PLPPR1: variants seen among roughly 807,000 people sequenced by gnomAD.
PLPPR1 encodes the protein phospholipid phosphatase related 1, also known as phospholipid phosphatase-related protein type 1.
PLPPR1 carries 10 observed loss-of-function variants against 33.1 expected under a neutral mutation model. The ratio of observed to expected loss-of-function variants is 0.30; its 90% CI spans 0.19 to 0.51. The LOEUF is 0.51. Ranked by LOEUF, PLPPR1 falls within the 20% of genes least tolerant of loss-of-function variation. The pLI, the probability that PLPPR1 is intolerant of heterozygous loss-of-function variation, is 0.97. For missense variants in PLPPR1, 304 were observed against 408.1 expected (o/e 0.74, Z 2.20); for synonymous variants, 151 against 151.0 (o/e 1.00, Z 0.00).
intron 2 of PLPPR1, among the ~76,000 whole-genome samples, chr9:101,225,752 C>T (rs1331000047): frequency 1.4e-5 from 2 of 146,842 alleles, no homozygotes; most frequent in Non-Finnish European, 3.0e-5. Flanking sequence ...CACCCCCACC[C>T]CCTATGTAAC....
At position 101,089,912 on chromosome 9, in the gene PLPPR1, A is replaced by G. The variant is rs181715600; in HGVS notation, c.-46+60810A>G. Among the ~76,000 whole-genome samples, 85 of 152,286 alleles carry G rather than the reference A, an allele frequency of 5.6e-4. No homozygotes were observed. The East Asian group carries it at 0.016, about 29-fold the overall frequency. ...TCCAGGGCTGCAGTAACAAAATACC[A>G]CAAACTTGGTGGATTAGTACAGCAA... On this transcript the variant is annotated intron_variant, in intron 1 of 7. Transcript: ENST00000374874.
At chr9:101,186,343 A>G (rs377509075) in intron 2 of PLPPR1, among the ~76,000 whole-genome samples, 2 of 151,760 alleles carry the variant, frequency 1.3e-5, no homozygotes, top group African/African-American at 2.4e-5. Context: ...TTTTTAGCCT[A>G]AAGATCAGAC....
intron 1 of PLPPR1, among the ~76,000 whole-genome samples, chr9:101,087,215 T>C (rs543809137): frequency 1.3e-5 from 2 of 151,600 alleles, no homozygotes; most frequent in East Asian, 3.9e-4. Context: ...ATAAAAAAAA[T>C]TGAGATTAGA....
chr9:101,235,491 A>G (rs1248560805), intron 2 of PLPPR1, among the ~76,000 whole-genome samples: 2 of 151,842 alleles, frequency 1.3e-5, no homozygotes, highest in Non-Finnish European at 2.9e-5. Context: ...AACCTCTAGC[A>G]TCTTTCATTT....
Position 101,307,921 on chromosome 9 carries a change from C to T in PLPPR1, c.386-1290C>T, listed in dbSNP as rs536551094. On this transcript the variant is annotated intron_variant, in intron 4 of 7. Transcript: ENST00000374874. ...ACTTATAGCTCTACACAGCCTTTCT[C>T]AGTGCATAGATGTAATATACAGGCC... Among the ~76,000 whole-genome samples, 306 of 152,324 alleles carry T rather than the reference C, an allele frequency of 2.0e-3. 1 individual carries two copies. The highest frequency in any genetic ancestry group is 3.9e-3 in the Admixed American group (59 of 15,302).
chr9:101,156,567 A>G (rs1831692926), intron 1 of PLPPR1, among the ~76,000 whole-genome samples: 4 of 112,200 alleles, frequency 3.6e-5, no homozygotes, highest in South Asian at 2.7e-4. Context: ...AAAAAAAAAA[A>G]AAAAAAGAAA....
chr9:101,109,419 G>A (rs143630198), intron 1 of PLPPR1, among the ~76,000 whole-genome samples: 5 of 152,180 alleles, frequency 3.3e-5, no homozygotes, highest in African/African-American at 1.2e-4. Flanking sequence ...ATTTAAATAA[G>A]CATTTTATCA....
intron 1 of PLPPR1, among the ~76,000 whole-genome samples, chr9:101,107,195 A>C (rs1184253179): frequency 9.6e-6 from 1 of 104,448 alleles, no homozygotes; most frequent in Admixed American, 9.3e-5. Context: ...CTGGTGAGGA[A>C]CTGCGTTCCT....
intron 4 of PLPPR1, among the ~76,000 whole-genome samples, chr9:101,294,637 G>T (rs1234243112): frequency 6.6e-6 from 1 of 152,142 alleles, no homozygotes; most frequent in Non-Finnish European, 1.5e-5. Context: ...GGGATGCAAG[G>T]CTGGTTCAGT....
intron 1 of PLPPR1, among the ~76,000 whole-genome samples, chr9:101,090,770 G>A (rs1288076447): frequency 6.7e-6 from 1 of 149,856 alleles, no homozygotes; most frequent in African/African-American, 2.4e-5. Context: ...TGCATTATTG[G>A]GACCCACCTT....
intron 7 of PLPPR1, chr9:101,322,651 T>C (rs1231339810): frequency 6.6e-6 from 1 of 152,124 alleles, no homozygotes; most frequent in Non-Finnish European, 1.5e-5. Flanking sequence ...ACCTAGTTGA[T>C]TACATGTATA....
chr9:101,030,083 C>G (rs1829925716), intron 1 of PLPPR1, among the ~76,000 whole-genome samples: 1 of 151,956 alleles, frequency 6.6e-6, no homozygotes, highest in South Asian at 2.1e-4. Flanking sequence ...AATATCTCTT[C>G]GGCCCGACGG....
chr9:101,180,143 T>TATATACAC (rs1564167627), intron 1 of PLPPR1, among the ~76,000 whole-genome samples: 1 of 39,212 alleles, frequency 2.6e-5, no homozygotes, highest in African/African-American at 1.2e-4. Context: ...TATATATATA[T>TATATACAC]ACACACACAC....
intron 4 of PLPPR1, among the ~76,000 whole-genome samples, chr9:101,293,388 G>C (rs1828557149): frequency 6.6e-6 from 1 of 151,796 alleles, no homozygotes; most frequent in African/African-American, 2.4e-5. Flanking sequence ...ACATTAGACA[G>C]ATCAACGAGA....
At chr9:101,240,110 A>G (rs1486380659) in intron 2 of PLPPR1, among the ~76,000 whole-genome samples, 1 of 152,016 alleles carries the variant, frequency 6.6e-6, no homozygotes, top group Non-Finnish European at 1.5e-5. Flanking sequence ...TCTTCCGCCT[A>G]TGGAGATCCA....
At chr9:101,216,508 T>C (rs1826798358) in intron 2 of PLPPR1, among the ~76,000 whole-genome samples, 1 of 152,194 alleles carries the variant, frequency 6.6e-6, no homozygotes, top group South Asian at 2.1e-4. Flanking sequence ...ATTGATTCCT[T>C]TGCTACTCAG....
chr9:101,141,667 T>C (rs946296327), intron 1 of PLPPR1, among the ~76,000 whole-genome samples: 10 of 152,152 alleles, frequency 6.6e-5, no homozygotes, highest in African/African-American at 1.9e-4. Context: ...AGAATGAGAC[T>C]AAGTAAAAAT....
intron 1 of PLPPR1, among the ~76,000 whole-genome samples, chr9:101,032,080 T>C (rs1312666358): frequency 6.6e-6 from 1 of 152,178 alleles, no homozygotes; most frequent in Non-Finnish European, 1.5e-5. Context: ...GAAATATCTC[T>C]GAAAGGCCTG....
At chr9:101,081,624 C>T (rs1161041905) in intron 1 of PLPPR1, among the ~76,000 whole-genome samples, 4 of 152,150 alleles carry the variant, frequency 2.6e-5, no homozygotes, top group Non-Finnish European at 4.4e-5. Flanking sequence ...CTATACTTCC[C>T]CATTAGAAAT....
Sources: gnomAD v4.1 joint callset for allele counts (sites outside exome capture counted in the v4.1 genomes callset) on GRCh38, gnomAD v4.1.1 for gene constraint, MANE v1.5 for transcripts, NCBI Gene and HGNC (gene_info 2026-07-23, HGNC 2026-07-21) for gene names.